CFAP65: variants seen among roughly 807,000 people sequenced by gnomAD.
The protein encoded by CFAP65 is cilia- and flagella-associated protein 65.
CFAP65 carries 155 observed loss-of-function variants against 208.0 expected under a neutral mutation model. That is an observed-to-expected ratio of 0.75 (90% CI 0.65 to 0.85). The LOEUF is 0.85. CFAP65 is among the 40% of genes least tolerant of loss of function. The probability of loss-of-function intolerance (pLI) is 0.00; values close to 1 mark genes in which losing one functional copy is unlikely to be tolerated. For missense variants in CFAP65, 2,294 were observed against 2,451.3 expected, an observed-to-expected ratio of 0.94 and a Z score of 1.36; for synonymous variants, 970 against 986.3, an observed-to-expected ratio of 0.98 and a Z score of 0.31.
chr2:219,027,852 T>C lies in CFAP65; in HGVS notation c.2009A>G (p.Asn670Ser). The C allele has an allele frequency of 6.3e-7, 1 of 1,585,130 alleles. No individual in the cohort carries two copies. The highest frequency in any genetic ancestry group is 8.6e-7 in the Non-Finnish European group (1 of 1,162,856). ...GTTCATCAGGCACAGGGGTACAGGG[T>C]TGGGGGCCTCAGGCCCTGGGCAGGC... ...FGACPGPEAP[N>S]PVPLCLMNHT... is the part of the protein sequence containing the mutation. Residue 670 changes from asparagine (N) to serine (S), a missense_variant, in exon 13 of 35, where the codon AAC (asparagine) becomes AGC (serine). By Grantham distance (46) the Asn-to-Ser change is conservative. This residue lies in a region of CFAP65 where 867 missense variants were observed against 1,012.6 expected (regional missense o/e 0.86). Transcript: ENST00000341552.
At position 219,010,051 on chromosome 2, in the gene CFAP65, C is replaced by T. The variant is rs1269600383; in HGVS notation, c.4343G>A (p.Gly1448Glu). 1.3e-5 allele frequency: 21 copies of T among 1,606,918 alleles called. No homozygotes were observed. The highest frequency in any genetic ancestry group is 1.4e-5 in the Non-Finnish European group (17 of 1,176,910). Residue 1448 changes from glycine (G) to glutamate (E), a missense_variant, in exon 27 of 35, where the codon GGA becomes GAA. Physicochemically the swap from Gly to Glu is moderately conservative, Grantham distance 98. This residue lies in a region of CFAP65 where 1,427 missense variants were observed against 1,438.7 expected (regional missense o/e 0.99). Coordinates refer to ENST00000341552, the MANE Select transcript of CFAP65 (RefSeq NM_194302.4). Reference sequence around the variant, plus strand: ...GCACTTGCTCTGCACAGGTATGTTTCCCAGGGAAATATGAGACTGGGACAG... The same window carrying T: ...GCACTTGCTCTGCACAGGTATGTTTTCCAGGGAAATATGAGACTGGGACAG... The part of the protein sequence containing the change: ...VFLSQSHISL[G>E]NIPVQSKCSR...
In CFAP65 at chr2:219,021,199, C is replaced by T. The variant is rs372695230; in HGVS notation, c.3212G>A (p.Arg1071Gln). The T allele has an allele frequency of 2.9e-5, 47 of 1,606,394 alleles. 1 individual carries two copies. The highest frequency in any genetic ancestry group is 1.6e-4 in the Middle Eastern group (1 of 6,062). The change falls in exon 19 of 35, where the codon CGG (arginine) becomes CAG (glutamine). Residue 1071 changes from arginine to glutamine, a missense_variant. Around this residue, in one of 2 missense-constraint regions of CFAP65, gnomAD observed 1,427 missense variants for 1,438.7 expected, o/e 0.99. Transcript: ENST00000341552. Reference protein sequence around the residue: ...TICLTACPKQRSQYSWTITYS... With the variant: ...TICLTACPKQQSQYSWTITYS... ...GGTGATGGTCCAGGAGTACTGGGAC[C>T]GCTGCTTGGGACAGGCAGTCAGGCA...
rs761752899 is a variant in CFAP65 at position 219,014,021 on chromosome 2, T to C, written c.3626A>G (p.Gln1209Arg). Residue 1209 changes from glutamine to arginine, a missense_variant, in exon 22 of 35, where the codon CAG becomes CGG. Physicochemically the swap from Gln to Arg is conservative, Grantham distance 43 (BLOSUM62 1). Coordinates refer to ENST00000341552, the MANE Select transcript of CFAP65 (RefSeq NM_194302.4). ...TGCCCAGAGCTCCACGTCAATCCGC[T>C]GGTCACTTGGAAGGAGGAAGGCCCT... is the stretch of plus-strand genomic sequence containing the variant. ...LDWAFLLPSD[Q>R]RIDVELWAEQ... 11 of 1,612,470 alleles carry C rather than the reference T, an allele frequency of 6.8e-6. No homozygotes were observed. The highest frequency in any genetic ancestry group is 9.3e-6 in the Non-Finnish European group (11 of 1,179,148).
At position 219,023,379 on chromosome 2, in the gene CFAP65, T is replaced by A; in HGVS notation, c.2648A>T (p.His883Leu). 1 of 1,602,108 alleles carries A rather than the reference T, an allele frequency of 6.2e-7. No individual in the cohort carries two copies. Among genetic ancestry groups the A allele is most frequent in the Non-Finnish European group, 8.5e-7 (1 of 1,175,038 alleles). Residue 883 changes from histidine to leucine, a missense_variant, in exon 16 of 35, where the codon CAC (histidine) becomes CTC (leucine). By Grantham distance (99) the His-to-Leu change is moderately conservative (BLOSUM62 -3). Transcript: ENST00000341552. ...GGTGGGCTTGAAGTAGAGGCTTTTG[T>A]GGGTGTCCAGCTTCAGCTGCAGTGG... ...EEPLQLKLDT[H>L]KSLYFKPTWV... is the part of the protein sequence containing the mutation.
rs1206775484 is a variant in CFAP65, at chr2:219,006,488, A to G, written c.4696T>C (p.Cys1566Arg). Residue 1566 changes from cysteine to arginine, a missense_variant, in exon 30 of 35, where the codon TGT becomes CGT. Transcript: ENST00000341552. ...ACCTTGTACTTCCTCGCAGGTTCAC[A>G]GGCTGTGCAGCATGTTCTCTTCTGT... ...KVKKRTCCTACEPARKYKTLP... is the reference protein window; with the variant it reads ...KVKKRTCCTAREPARKYKTLP... The G allele has an allele frequency of 1.2e-6, 2 of 1,613,636 alleles. No individual in the cohort carries two copies. The highest frequency in any genetic ancestry group is 1.7e-5 in the Admixed American group (1 of 60,008).
intron 20 of CFAP65, 55 bp from the exon 21 acceptor site, chr2:219,019,234 C>T: frequency 1.9e-6 from 3 of 1,546,792 alleles, no homozygotes; most frequent in African/African-American, 1.4e-5. Context: ...GGGCAGGGCC[C>T]TCCCAGGGAT....
At chr2:219,041,525 C>T (rs1220272848), upstream of CFAP65, 6 of 1,550,510 alleles carry the variant, frequency 3.9e-6, no homozygotes, top group East Asian at 1.5e-4. Context: ...ATACAGGACG[C>T]GCAGGAAACG....
chr2:219,013,296 A>T lies in CFAP65; in HGVS notation c.3920T>A (p.Ile1307Asn). ...VHFTSTTHQF[I>N]PIPIGDTLPP... ...TAGCGTGTCACCAATGGGAATGGGGATGAACTGGTGGGTAGTAGAGGTGAA... is the reference window on the plus strand; with the variant it reads ...TAGCGTGTCACCAATGGGAATGGGGTTGAACTGGTGGGTAGTAGAGGTGAA... Residue 1307 changes from isoleucine (I) to asparagine (N), a missense_variant, in exon 24 of 35, where the codon ATC becomes AAC. Physicochemically the swap from Ile to Asn is moderately radical, Grantham distance 149. This residue lies in a region of CFAP65 where 1,427 missense variants were observed against 1,438.7 expected (regional missense o/e 0.99). Transcript: ENST00000341552. 2 of 1,614,018 alleles carry T rather than the reference A, an allele frequency of 1.2e-6. No individual in the cohort carries two copies. Among genetic ancestry groups the T allele is most frequent in the Non-Finnish European group, 1.7e-6 (2 of 1,179,956 alleles).
chr2:219,036,357 T>C (rs1172587586), intron 4 of CFAP65, among the ~76,000 whole-genome samples: 1 of 151,856 alleles, frequency 6.6e-6, no homozygotes, highest in Non-Finnish European at 1.5e-5. Context: ...GAAACCCCCC[T>C]GGGGCAGTAA....
chr2:219,019,812 T>C, intron 19 of CFAP65, 93 bp from the exon 20 acceptor site: 1 of 1,034,728 alleles, frequency 9.7e-7, no homozygotes, highest in Non-Finnish European at 1.5e-6. Context: ...TCCTGGGCAG[T>C]TGGCCCCAGG....
chr2:219,012,881 T>C (rs557097780), intron 24 of CFAP65, among the ~76,000 whole-genome samples: 1 of 152,362 alleles, frequency 6.6e-6, no homozygotes, highest in Non-Finnish European at 1.5e-5. Flanking sequence ...CATGTAGTAG[T>C]ATAATTATCA....
intron 21 of CFAP65, among the ~76,000 whole-genome samples, chr2:219,016,877 G>A (rs73993399): frequency 0.12 from 17,757 of 152,114 alleles, 3,135 homozygotes; most frequent in African/African-American, 0.39. Flanking sequence ...CCTGGCCCCT[G>A]CCCGCCTCCT....
chr2:219,003,382 G>T lies in CFAP65; in HGVS notation c.5556-110C>A. On this transcript the variant is annotated intron_variant, in intron 33 of 34. Coordinates refer to ENST00000341552, the MANE Select transcript of CFAP65 (RefSeq NM_194302.4). The surrounding 1 kb of genome is among the most constrained non-coding windows in gnomAD (Gnocchi z 4.4). ...GCGAGCTCTACGGAGATTCCCATTCGACTCCCCTCATCCACTACACTATGG... is the reference window on the plus strand; with the variant it reads ...GCGAGCTCTACGGAGATTCCCATTCTACTCCCCTCATCCACTACACTATGG... The T allele has an allele frequency of 1.5e-5, 20 of 1,323,260 alleles. No individual in the cohort carries two copies. The highest frequency in any genetic ancestry group is 1.9e-5 in the Non-Finnish European group (19 of 997,548). The allele number at this position is 1,323,260 out of a possible 1,614,324, so 82.0% of individuals were successfully genotyped here.
chr2:219,009,650 A>G (rs1331058154), intron 27 of CFAP65, among the ~76,000 whole-genome samples, 190 bp from the exon 28 acceptor site: 7 of 85,570 alleles, frequency 8.2e-5, no homozygotes, highest in East Asian at 8.7e-4. Context: ...ATGGGATGGG[A>G]TGGGATAGGA....
chr2:219,021,671 G>A (rs1947270699), intron 18 of CFAP65, 109 bp downstream of exon 18: 1 of 1,250,108 alleles, frequency 8.0e-7, no homozygotes, highest in Non-Finnish European at 1.1e-6. Context: ...TCAGCTTCTT[G>A]AAGAGCTGGG....
chr2:219,014,190 C>T, intron 21 of CFAP65, 146 bp from the exon 22 acceptor site: 2 of 603,066 alleles, frequency 3.3e-6, no homozygotes, highest in Non-Finnish European at 5.3e-6. Flanking sequence ...CCATGTGTGC[C>T]TGAGCAAATG....
intron 24 of CFAP65, 90 bp from the exon 25 acceptor site, chr2:219,011,086 G>C: frequency 8.2e-7 from 1 of 1,220,040 alleles, no homozygotes; most frequent in Non-Finnish European, 1.1e-6. Context: ...TGGGAGGGCA[G>C]GCTGATCTCC....
chr2:219,029,836 C>A lies in CFAP65; in HGVS notation c.1384+150G>T, dbSNP rs187598981. On this transcript the variant is annotated intron_variant, in intron 10 of 34. Transcript: ENST00000341552. ...TGGGACTGGGATCTCCAGGTAGTCA[C>A]GGATGATTCCCCACAGGGCCACCAG... is the stretch of plus-strand genomic sequence containing the variant. 28 of 1,129,258 alleles carry A rather than the reference C, an allele frequency of 2.5e-5. No homozygotes were observed. In the African/African-American group the frequency reaches 4.4e-4, roughly 18 times the overall value. 70.0% of individuals were successfully genotyped at this position (1,129,258 alleles called of 1,614,324 possible).
rs1225322738 is a variant in CFAP65 at position 219,003,283 on chromosome 2, G to A, written c.5556-11C>T. 3 of 1,523,490 alleles carry A rather than the reference G, an allele frequency of 2.0e-6. No individual in the cohort carries two copies. Among genetic ancestry groups the A allele is most frequent in the Non-Finnish European group, 2.6e-6 (3 of 1,133,222 alleles). The allele number at this position is 1,523,490 out of a possible 1,614,324, so 94.4% of individuals were successfully genotyped here. ...GCGAAGGCCGGGAGCCTGCGAGGGGGCGGGGGCTAGCATGAGGGCGGCCGC... is the reference window on the plus strand; with the variant it reads ...GCGAAGGCCGGGAGCCTGCGAGGGGACGGGGGCTAGCATGAGGGCGGCCGC... On this transcript the variant is annotated splice_polypyrimidine_tract_variant and intron_variant, in intron 33 of 34. Transcript: ENST00000341552. The surrounding 1 kb of genome is among the most constrained non-coding windows in gnomAD (Gnocchi z 4.4).
Sources: allele counts gnomAD v4.1 joint callset (sites outside exome capture counted in the v4.1 genomes callset), GRCh38; gene constraint gnomAD v4.1.1; regional missense constraint gnomAD v4.1.1; non-coding constraint Gnocchi (gnomAD v3.1); transcripts MANE v1.5; gene names NCBI Gene and HGNC (gene_info 2026-07-23, HGNC 2026-07-21).